ASIC2: variants seen among roughly 807,000 people sequenced by gnomAD.
ASIC2 encodes acid sensing ion channel subunit 2, also known as acid-sensing ion channel 2.
In ASIC2, 25 loss-of-function variants were observed where a neutral mutation model predicts 57.3. The observed-to-expected ratio is 0.44, with a 90% CI of 0.32 to 0.61. The LOEUF is 0.61. Among genes scored for constraint, ASIC2 ranks in the 20% least tolerant of loss-of-function variants. The probability of loss-of-function intolerance (pLI) is 0.06; values close to 1 mark genes in which losing one functional copy is unlikely to be tolerated. For missense variants in ASIC2, 641 were observed against 738.1 expected (o/e 0.87, Z 1.52); for synonymous variants, 319 against 307.5 (o/e 1.04, Z -0.39).
intron 1 of ASIC2, among the ~76,000 whole-genome samples, chr17:33,871,274 G>A (rs1332053319): frequency 6.6e-6 from 1 of 152,204 alleles, no homozygotes; most frequent in African/African-American, 2.4e-5. Flanking sequence ...TCAGACTGCA[G>A]CAAGTTAACA....
At chr17:33,848,463 C>G (rs990184511) in intron 1 of ASIC2, among the ~76,000 whole-genome samples, 1 of 152,142 alleles carries the variant, frequency 6.6e-6, no homozygotes, top group African/African-American at 2.4e-5. Context: ...AGCCCAAAAG[C>G]AACAGAGGAC....
At chr17:33,475,481 T>G (rs944350825) in intron 1 of ASIC2, among the ~76,000 whole-genome samples, 3 of 152,230 alleles carry the variant, frequency 2.0e-5, no homozygotes, top group Non-Finnish European at 2.9e-5. Flanking sequence ...AATATCCTTT[T>G]AAAATCTTGC....
chr17:33,429,513 C>T (rs1421574013), intron 1 of ASIC2, among the ~76,000 whole-genome samples: 2 of 152,062 alleles, frequency 1.3e-5, no homozygotes, highest in Admixed American at 1.3e-4. Flanking sequence ...GCCTCAGCCT[C>T]CCGAGTAGCT....
intron 1 of ASIC2, among the ~76,000 whole-genome samples, chr17:33,471,511 C>T (rs1254428637): frequency 6.6e-6 from 1 of 152,046 alleles, no homozygotes; most frequent in East Asian, 1.9e-4. Flanking sequence ...TTGATTTGCT[C>T]ACAGTTATTG....
At chr17:33,432,587 C>A (rs1173592556) in intron 1 of ASIC2, among the ~76,000 whole-genome samples, 1 of 152,080 alleles carries the variant, frequency 6.6e-6, no homozygotes, top group Admixed American at 6.5e-5. Context: ...TTTTAACAAC[C>A]TTTTCTCTAG....
At chr17:33,037,375 A>G (rs1444575035) in intron 3 of ASIC2, among the ~76,000 whole-genome samples, 3 of 147,756 alleles carry the variant, frequency 2.0e-5, no homozygotes, top group South Asian at 2.1e-4. Flanking sequence ...GTTCAGGGTC[A>G]GCCACTTCCC....
At chr17:33,777,126 C>T (rs376550204) in intron 1 of ASIC2, among the ~76,000 whole-genome samples, 76 of 152,350 alleles carry the variant, frequency 5.0e-4, no homozygotes, top group South Asian at 1.2e-3. Context: ...AGCTGGCGCC[C>T]GCTGATCCCC....
chr17:33,497,760 T>G (rs1331502285), intron 1 of ASIC2, among the ~76,000 whole-genome samples: 2 of 151,638 alleles, frequency 1.3e-5, no homozygotes, highest in African/African-American at 4.9e-5. Flanking sequence ...TTTTTTCAGA[T>G]AAAAAAAAGG....
At chr17:33,676,664 A>C (rs1037878201) in intron 1 of ASIC2, among the ~76,000 whole-genome samples, 1 of 152,238 alleles carries the variant, frequency 6.6e-6, no homozygotes. Flanking sequence ...CTGGTTCATG[A>C]GGTTTAAAGA....
intron 1 of ASIC2, among the ~76,000 whole-genome samples, chr17:33,174,317 A>T (rs1300661979): frequency 6.6e-6 from 1 of 151,358 alleles, no homozygotes; most frequent in Non-Finnish European, 1.5e-5. Flanking sequence ...GCTACTCAGG[A>T]GGCTGAAGTG....
At chr17:33,872,852 A>G (rs758502459) in intron 1 of ASIC2, among the ~76,000 whole-genome samples, 3 of 152,126 alleles carry the variant, frequency 2.0e-5, no homozygotes, top group Non-Finnish European at 2.9e-5. Flanking sequence ...ATGCAGCCAT[A>G]AGGCAGCACT....
chr17:34,061,590 T>A (rs1463656553), intron 1 of ASIC2, among the ~76,000 whole-genome samples: 1 of 152,126 alleles, frequency 6.6e-6, no homozygotes, highest in East Asian at 1.9e-4. Flanking sequence ...ACAGAATGGA[T>A]AAGAACTCAC....
At chr17:33,700,107 A>C (rs1399360467) in intron 1 of ASIC2, among the ~76,000 whole-genome samples, 1 of 152,148 alleles carries the variant, frequency 6.6e-6, no homozygotes, top group Non-Finnish European at 1.5e-5. Flanking sequence ...GATATAGAAT[A>C]TGAGTCCTTA....
At chr17:33,064,288 G>GT (rs1466575303) in intron 3 of ASIC2, among the ~76,000 whole-genome samples, 3 of 152,144 alleles carry the variant, frequency 2.0e-5, no homozygotes, top group African/African-American at 7.2e-5. Context: ...CATCTTTGTG[G>GT]TTTTATCTAC....
intron 1 of ASIC2, among the ~76,000 whole-genome samples, chr17:33,697,386 T>G (rs7220706): frequency 0.29 from 43,397 of 151,978 alleles, 6,470 homozygotes; most frequent in African/African-American, 0.37. Context: ...TGTCTCAGGG[T>G]TGACAGAGGC....
intron 1 of ASIC2, among the ~76,000 whole-genome samples, chr17:33,460,004 C>A (rs570686183): frequency 1.3e-5 from 2 of 151,810 alleles, no homozygotes; most frequent in East Asian, 1.9e-4. Context: ...AAAAAAAAAA[C>A]CCAGACTTTT....
chr17:33,564,904 C>A (rs143810826), intron 1 of ASIC2, among the ~76,000 whole-genome samples: 13 of 152,344 alleles, frequency 8.5e-5, no homozygotes, highest in African/African-American at 3.1e-4. Flanking sequence ...AGTTAACTAG[C>A]CCAACCTATT....
At chr17:33,906,271 A>G (rs1447117162) in intron 1 of ASIC2, among the ~76,000 whole-genome samples, 1 of 152,176 alleles carries the variant, frequency 6.6e-6, no homozygotes, top group East Asian at 1.9e-4. Flanking sequence ...GCAGGCTTGT[A>G]TGCCAACCAG....
chr17:33,511,698 T>A (rs1049732477), intron 1 of ASIC2, among the ~76,000 whole-genome samples: 1 of 152,202 alleles, frequency 6.6e-6, no homozygotes, highest in Non-Finnish European at 1.5e-5. Flanking sequence ...ATACTCACTC[T>A]ACTACCCTCC....
Sources: allele counts gnomAD v4.1 joint callset (sites outside exome capture counted in the v4.1 genomes callset), GRCh38; gene constraint gnomAD v4.1.1; transcripts MANE v1.5; gene names NCBI Gene and HGNC (gene_info 2026-07-23, HGNC 2026-07-21).